Variants in ILRUN observed in about 807,000 individuals in gnomAD.
ILRUN encodes protein ILRUN.
ILRUN carries 3 observed loss-of-function variants against 33.8 expected under a neutral mutation model. That is an observed-to-expected ratio of 0.09 (90% CI 0.04 to 0.23). The LOEUF is 0.23. Among genes scored for constraint, ILRUN ranks in the 10% least tolerant of loss-of-function variants. ILRUN has a pLI of 1.00. For synonymous variants in ILRUN, 124 were observed against 138.9 expected (o/e 0.89, Z 0.75); for missense variants, 210 against 375.1 (o/e 0.56, Z 3.64).
At chr6:34,690,321 C>T (rs1424024847) in intron 1 of ILRUN, among the ~76,000 whole-genome samples, 1 of 152,068 alleles carries the variant, frequency 6.6e-6, no homozygotes, top group African/African-American at 2.4e-5. Flanking sequence ...ATTAGCCAGG[C>T]GTGGTGGCCC....
At chr6:34,617,492 G>GC (rs767355642) in intron 3 of ILRUN, among the ~76,000 whole-genome samples, 6 of 152,148 alleles carry the variant, frequency 3.9e-5, no homozygotes, top group Non-Finnish European at 7.3e-5. Flanking sequence ...AATTTACTCA[G>GC]CACAGTAGCC....
chr6:34,638,450 A>T (rs1446237999), intron 3 of ILRUN, among the ~76,000 whole-genome samples: 2 of 152,152 alleles, frequency 1.3e-5, no homozygotes, highest in Non-Finnish European at 2.9e-5. Flanking sequence ...GCTGTGGCTC[A>T]TGCCTGTAAT....
intron 1 of ILRUN, among the ~76,000 whole-genome samples, chr6:34,678,934 A>C (rs1192120423): frequency 1.3e-5 from 2 of 152,010 alleles, no homozygotes; most frequent in East Asian, 3.9e-4. Context: ...AGTTCAGTAA[A>C]TTCATAAGAT....
At chr6:34,642,658 T>C (rs887581656) in intron 3 of ILRUN, among the ~76,000 whole-genome samples, 1 of 151,728 alleles carries the variant, frequency 6.6e-6, no homozygotes, top group Admixed American at 6.6e-5. Flanking sequence ...GCAGGATATG[T>C]TGCTTGTCAA....
At chr6:34,684,582 C>T (rs1242996079) in intron 1 of ILRUN, among the ~76,000 whole-genome samples, 1 of 152,112 alleles carries the variant, frequency 6.6e-6, no homozygotes, top group Non-Finnish European at 1.5e-5. Context: ...TTAGGGGGCA[C>T]TGTCCTCTTA....
intron 2 of ILRUN, among the ~76,000 whole-genome samples, chr6:34,647,464 G>GA: frequency 6.6e-6 from 1 of 152,268 alleles, no homozygotes; most frequent in South Asian, 2.1e-4. Flanking sequence ...GTGGTCGCAG[G>GA]AACAATGGCA....
At chr6:34,622,657 T>C (rs1000103682) in intron 3 of ILRUN, among the ~76,000 whole-genome samples, 4 of 152,150 alleles carry the variant, frequency 2.6e-5, no homozygotes, top group African/African-American at 9.7e-5. Flanking sequence ...CTGTTAGGAA[T>C]GTAAATGGTG....
At chr6:34,595,719 T>C (rs558681679) in intron 4 of ILRUN, 1 of 977,504 alleles carries the variant, frequency 1.0e-6, no homozygotes, top group South Asian at 4.7e-5. Flanking sequence ...CACATACCTG[T>C]CTTTATTTTG....
At chr6:34,611,945 T>C (rs1401934577) in intron 3 of ILRUN, among the ~76,000 whole-genome samples, 1 of 152,180 alleles carries the variant, frequency 6.6e-6, no homozygotes, top group African/African-American at 2.4e-5. Context: ...ATAGTATCTT[T>C]ACCCACAGGT....
At chr6:34,689,161 A>C (rs1763593668) in intron 1 of ILRUN, among the ~76,000 whole-genome samples, 1 of 152,104 alleles carries the variant, frequency 6.6e-6, no homozygotes, top group Non-Finnish European at 1.5e-5. Flanking sequence ...ACACCACTGA[A>C]CTGTTCACTT....
At position 34,601,710 on chromosome 6, in the gene ILRUN, C is replaced by CCCA. The variant is rs1761513506; in HGVS notation, c.861+4842_861+4844dup. 2.7e-5 allele frequency among the ~76,000 whole-genome samples: 4 copies of CCCA among 148,280 alleles called. No homozygotes were observed. The South Asian group carries it at 8.4e-4, about 31-fold the overall frequency. Reference sequence around the variant, plus strand: ...CCAAACCTCCTCCAGTACCCGCCCCCCCAACTACTGTTTCTAAACCCTCAC... The same window carrying CCCA: ...CCAAACCTCCTCCAGTACCCGCCCCCCCACCAACTACTGTTTCTAAACCCTCAC... On this transcript the variant is annotated intron_variant, in intron 4 of 4. Coordinates refer to ENST00000374023, the MANE Select transcript of ILRUN (RefSeq NM_024294.4).
At chr6:34,685,816 A>T (rs1180778581) in intron 1 of ILRUN, among the ~76,000 whole-genome samples, 2 of 152,202 alleles carry the variant, frequency 1.3e-5, no homozygotes, top group Non-Finnish European at 2.9e-5. Context: ...AGAGCTAATG[A>T]GAGGCCAGTC....
chr6:34,626,600 A>T (rs1762137369), intron 3 of ILRUN, among the ~76,000 whole-genome samples: 1 of 152,226 alleles, frequency 6.6e-6, no homozygotes, highest in African/African-American at 2.4e-5. Flanking sequence ...CAATCGATGA[A>T]CCAACACTGA....
At chr6:34,601,215 T>C (rs534026056) in intron 4 of ILRUN, among the ~76,000 whole-genome samples, 2 of 152,182 alleles carry the variant, frequency 1.3e-5, no homozygotes, top group Non-Finnish European at 2.9e-5. Context: ...AAAAATTAAA[T>C]TTAAAAAAGT....
chr6:34,654,494 A>C (rs1484311736), intron 2 of ILRUN, 131 bp downstream of exon 2: 1 of 889,772 alleles, frequency 1.1e-6, no homozygotes, highest in African/African-American at 1.7e-5. Flanking sequence ...GTACAAGAAA[A>C]TACTACATAT....
intron 2 of ILRUN, among the ~76,000 whole-genome samples, chr6:34,647,722 G>A (rs1237378810): frequency 2.0e-5 from 3 of 152,080 alleles, no homozygotes; most frequent in African/African-American, 2.4e-5. Flanking sequence ...CCATTACCAC[G>A]CCTGGCTAAT....
At position 34,682,261 on chromosome 6, in the gene ILRUN, T is replaced by TGTTTG. The variant is rs1447324153; in HGVS notation, c.158+14184_158+14185insCAAAC. ...CTCCCTGCAACCTCTGTTTTTTTTT[T>TGTTTG]TTTTTTTTTTTTTTTTGAGACAGTC... On this transcript the variant is annotated intron_variant, in intron 1 of 4. Transcript: ENST00000374023. 6.1e-3 allele frequency among the ~76,000 whole-genome samples: 587 copies of TGTTTG among 96,594 alleles called. 9 individuals are homozygous for TGTTTG. Among genetic ancestry groups the TGTTTG allele is most frequent in the African/African-American group, 0.033 (547 of 16,758 alleles). The allele number at this position is 96,594 out of a possible 152,430, so 63.4% of individuals were successfully genotyped here.
chr6:34,592,170 T>C lies in ILRUN; in HGVS notation c.862-1570A>G, dbSNP rs1304543815. ...TATCACTAAACTAAACAAAAAATCC[T>C]CAGGAGATGATTTGGGGAATGGACA... On this transcript the variant is annotated intron_variant, in intron 4 of 4. Coordinates refer to ENST00000374023, the MANE Select transcript of ILRUN (RefSeq NM_024294.4). The surrounding 1 kb of genome is among the most constrained non-coding windows in gnomAD (Gnocchi z 4.0). 6.6e-6 allele frequency among the ~76,000 whole-genome samples: 1 copy of C among 152,140 alleles called. No individual in the cohort carries two copies. Among genetic ancestry groups the C allele is most frequent in the African/African-American group, 2.4e-5 (1 of 41,424 alleles).
At chr6:34,608,049 C>A (rs1761669952) in intron 3 of ILRUN, among the ~76,000 whole-genome samples, 1 of 151,412 alleles carries the variant, frequency 6.6e-6, no homozygotes, top group African/African-American at 2.4e-5. Context: ...GCTGTGATTA[C>A]ACCAATGCAC....
Sources: gnomAD v4.1 joint callset for allele counts (sites outside exome capture counted in the v4.1 genomes callset) on GRCh38, gnomAD v4.1.1 for gene constraint, Gnocchi (gnomAD v3.1) non-coding constraint, MANE v1.5 for transcripts, NCBI Gene and HGNC (gene_info 2026-07-23, HGNC 2026-07-21) for gene names.